The following MBP variants were observed in gnomAD, a reference collection of about 807,000 sequenced individuals.
MBP encodes the protein myelin basic protein, also known as Golli-MBP.
MBP carries 16 observed loss-of-function variants against 35.8 expected under a neutral mutation model. The ratio of observed to expected loss-of-function variants is 0.45; its 90% CI spans 0.30 to 0.68. The LOEUF is 0.68. Among genes scored for constraint, MBP ranks in the 30% least tolerant of loss-of-function variants. The pLI is 0.08. For missense variants in MBP, 380 were observed against 404.7 expected (o/e 0.94, Z 0.52); for synonymous variants, 143 against 159.6 (o/e 0.90, Z 0.78).
At position 76,989,829 on chromosome 18, in the gene MBP, G is replaced by A. The variant is rs1234706639; in HGVS notation, c.681+127C>T. 18 of 739,770 alleles carry A rather than the reference G, an allele frequency of 2.4e-5. No homozygotes were observed. The highest frequency in any genetic ancestry group is 3.7e-5 in the Non-Finnish European group (16 of 435,042). The allele number at this position is 739,770 out of a possible 1,614,324, so 45.8% of individuals were successfully genotyped here. On this transcript the variant is annotated intron_variant, in intron 5 of 8. Transcript: ENST00000355994. The surrounding 1 kb of genome is among the most constrained non-coding windows in gnomAD (Gnocchi z 4.0). ...GGTGCGAGGGGGGAGTTCCCCGGCC[G>A]GCCTCACCCTGATGATGACCCCGGT... is the stretch of plus-strand genomic sequence containing the variant.
intron 1 of MBP, chr18:77,113,329 T>C (rs1181880140): frequency 2.0e-5 from 3 of 152,376 alleles, no homozygotes; most frequent in African/African-American, 7.2e-5. Flanking sequence ...TGGAATGACA[T>C]GGCTACAAGG....
chr18:77,028,834 G>T (rs1419109663), intron 3 of MBP, among the ~76,000 whole-genome samples: 1 of 97,456 alleles, frequency 1.0e-5, no homozygotes, highest in Non-Finnish European at 2.4e-5. Context: ...GGGCAGAGAC[G>T]CTCCTCACTT....
intron 4 of MBP, among the ~76,000 whole-genome samples, chr18:77,012,427 AAG>A (rs891772374): frequency 2.6e-5 from 4 of 152,246 alleles, no homozygotes; most frequent in Non-Finnish European, 4.4e-5. Flanking sequence ...AGAGAAACAC[AAG>A]AAACTTCAGG....
rs988022223 is a variant in MBP at position 77,102,565 on chromosome 18, G to A, written c.51+2646C>T. Among the ~76,000 whole-genome samples, 2 of 152,166 alleles carry A rather than the reference G, an allele frequency of 1.3e-5. No homozygotes were observed. The highest frequency in any genetic ancestry group is 4.8e-5 in the African/African-American group (2 of 41,422). On this transcript the variant is annotated intron_variant, in intron 2 of 8. Transcript: ENST00000355994. The surrounding 1 kb of genome is among the most constrained non-coding windows in gnomAD (Gnocchi z 4.4). ...AGTTTTAACATTTCCAAGTTTTGAG[G>A]TTTTTAAATGATCAGAACTTTAAAC...
intron 3 of MBP, among the ~76,000 whole-genome samples, chr18:77,062,547 G>T (rs1974024531): frequency 6.6e-6 from 1 of 151,260 alleles, no homozygotes; most frequent in African/African-American, 2.4e-5. Flanking sequence ...ATATTTGAAA[G>T]TGTGCTCTAA....
At chr18:77,087,188 G>A (rs529881783) in intron 2 of MBP, among the ~76,000 whole-genome samples, 1 of 152,334 alleles carries the variant, frequency 6.6e-6, no homozygotes, top group East Asian at 1.9e-4. Flanking sequence ...CATCCAGGAG[G>A]CGAAATAGCC....
intron 3 of MBP, among the ~76,000 whole-genome samples, chr18:77,023,741 C>T (rs1219044063): frequency 6.6e-6 from 1 of 152,206 alleles, no homozygotes; most frequent in African/African-American, 2.4e-5. Context: ...GCCTCTGCCT[C>T]CAGGTCCCCA....
In MBP at chr18:77,101,451, C is replaced by T. The variant is rs2145107655; in HGVS notation, c.51+3760G>A. ...GCGCTGTGCCCTGAACCTGCGCCTG[C>T]CTGGAGGAAGTTACACTCCATCCGC... On this transcript the variant is annotated intron_variant, in intron 2 of 8. Transcript: ENST00000355994. The surrounding 1 kb of genome is among the most constrained non-coding windows in gnomAD (Gnocchi z 4.3). 6.6e-6 allele frequency among the ~76,000 whole-genome samples: 1 copy of T among 152,314 alleles called. No homozygotes were observed. The highest frequency in any genetic ancestry group is 2.1e-4 in the South Asian group (1 of 4,824).
intron 1 of MBP, among the ~76,000 whole-genome samples, chr18:77,121,983 C>G (rs1976897526): frequency 6.6e-6 from 1 of 152,174 alleles, no homozygotes; most frequent in African/African-American, 2.4e-5. Context: ...GTTAATTTAT[C>G]TGGTATTTTC....
In MBP at chr18:77,131,109, ACACACACACACC is replaced by A. The variant is rs765102862; in HGVS notation, c.-26+1459_-26+1470del. On this transcript the variant is annotated intron_variant, in intron 1 of 8. Transcript: ENST00000355994. The surrounding 1 kb of genome is among the most constrained non-coding windows in gnomAD (Gnocchi z 5.5). ...CGCACACACACACACACACACACAC[ACACACACACACC>A]CCCTCTGCCGCGGTACCCTTCCCCT... is the stretch of plus-strand genomic sequence containing the variant. 0.03 allele frequency among the ~76,000 whole-genome samples: 2,354 copies of A among 79,432 alleles called. 33 individuals are homozygous for A. The highest frequency in any genetic ancestry group is 0.065 in the Non-Finnish European group (1,828 of 28,110). 52.1% of individuals were successfully genotyped at this position (79,432 alleles called of 152,430 possible).
intron 4 of MBP, chr18:77,014,487 G>C: frequency 1.0e-6 from 1 of 985,454 alleles, no homozygotes; most frequent in Non-Finnish European, 1.2e-6. Flanking sequence ...TCCACTGCTC[G>C]TTTGCACACC....
Position 77,101,858 on chromosome 18 carries a change from C to T in MBP, c.51+3353G>A, listed in dbSNP as rs949464619. Among the ~76,000 whole-genome samples, 7 of 152,142 alleles carry T rather than the reference C, an allele frequency of 4.6e-5. No individual in the cohort carries two copies. The highest frequency in any genetic ancestry group is 7.3e-5 in the Non-Finnish European group (5 of 68,028). Reference sequence around the variant, plus strand: ...TCCCCACCACCTCCCCAGCAGCCAACGGCACCTAAAGCCTGCTCAGGAAAC... The same window carrying T: ...TCCCCACCACCTCCCCAGCAGCCAATGGCACCTAAAGCCTGCTCAGGAAAC... On this transcript the variant is annotated intron_variant, in intron 2 of 8. Transcript: ENST00000355994. This position sits in a 1 kb window ranked among gnomAD's most constrained non-coding sequence, Gnocchi z 4.3.
At chr18:77,041,696 C>T (rs1351395269) in intron 3 of MBP, among the ~76,000 whole-genome samples, 3 of 145,956 alleles carry the variant, frequency 2.1e-5, no homozygotes, top group Admixed American at 7.3e-5. Context: ...CCAAACACCG[C>T]GTGTTCTCAC....
chr18:77,083,301 G>A (rs553398897), intron 2 of MBP, among the ~76,000 whole-genome samples: 6 of 152,276 alleles, frequency 3.9e-5, no homozygotes, highest in Admixed American at 1.3e-4. Context: ...ATGAGTAAAG[G>A]TTCAGTAAAT....
chr18:77,019,155 G>A (rs572125685), intron 3 of MBP, among the ~76,000 whole-genome samples: 4 of 152,318 alleles, frequency 2.6e-5, no homozygotes, highest in Admixed American at 1.3e-4. Flanking sequence ...AATTCACGAG[G>A]TCCTTGTCCT....
intron 4 of MBP, chr18:77,004,227 CTAGT>C (rs1970787182): frequency 2.0e-5 from 3 of 151,922 alleles, no homozygotes. Flanking sequence ...AGTTACAATA[CTAGT>C]TAAATAATAG....
At chr18:77,132,397 C>G (rs1244316953) in intron 1 of MBP, among the ~76,000 whole-genome samples, 183 bp downstream of exon 1, 1 of 152,098 alleles carries the variant, frequency 6.6e-6, no homozygotes, top group Non-Finnish European at 1.5e-5. Context: ...TCTCCCTGCG[C>G]GTCCCCAGCC....
intron 3 of MBP, among the ~76,000 whole-genome samples, chr18:77,021,482 CTTTT>C (rs140602815): frequency 7.4e-5 from 9 of 122,156 alleles, no homozygotes; most frequent in Admixed American, 1.7e-4. Context: ...GAAGATGCAC[CTTTT>C]TTTTTTTTTT....
At chr18:77,010,155 C>T (rs552710372) in intron 4 of MBP, 14 of 563,472 alleles carry the variant, frequency 2.5e-5, no homozygotes, top group Admixed American at 6.4e-5. Flanking sequence ...GGCAGGCATG[C>T]GCCCTGAAGG....
Sources: gnomAD v4.1 joint callset for allele counts (sites outside exome capture counted in the v4.1 genomes callset) on GRCh38, gnomAD v4.1.1 for gene constraint, Gnocchi (gnomAD v3.1) non-coding constraint, MANE v1.5 for transcripts, NCBI Gene and HGNC (gene_info 2026-07-23, HGNC 2026-07-21) for gene names.